The following RBFOX1 variants were observed in gnomAD, a reference collection of about 807,000 sequenced individuals.
RBFOX1 encodes the protein RNA binding protein fox-1 homolog 1.
Under a neutral mutation model 57.7 loss-of-function variants are expected in RBFOX1, and 8 were observed. The observed-to-expected ratio is 0.14, with a 90% CI of 0.08 to 0.25. RBFOX1 has a LOEUF of 0.25. Ranked by LOEUF, RBFOX1 falls within the 10% of genes least tolerant of loss-of-function variation. RBFOX1 has a pLI of 1.00. For missense variants in RBFOX1, 611 were observed against 548.5 expected (o/e 1.11, Z -1.14); for synonymous variants, 326 against 222.4 (o/e 1.47, Z -4.15).
At chr16:6,783,844 A>T (rs1416359183) in intron 3 of RBFOX1, among the ~76,000 whole-genome samples, 1 of 152,074 alleles carries the variant, frequency 6.6e-6, no homozygotes, top group African/African-American at 2.4e-5. Flanking sequence ...TTGATGAATT[A>T]CCTCAGGTTT....
At chr16:7,648,736 G>C (rs1006978367) in intron 11 of RBFOX1, among the ~76,000 whole-genome samples, 1 of 152,200 alleles carries the variant, frequency 6.6e-6, no homozygotes, top group Admixed American at 6.5e-5. Context: ...GGTGTTACCT[G>C]TCTGGGGCCA....
chr16:7,341,541 C>T (rs1603624935), intron 4 of RBFOX1, among the ~76,000 whole-genome samples: 1 of 152,210 alleles, frequency 6.6e-6, no homozygotes, highest in Middle Eastern at 3.4e-3. Context: ...CTTGAGTCTC[C>T]ACCCCACTGA....
intron 9 of RBFOX1, among the ~76,000 whole-genome samples, chr16:7,604,491 A>G (rs1196068195): frequency 6.6e-6 from 1 of 152,242 alleles, no homozygotes; most frequent in African/African-American, 2.4e-5. Flanking sequence ...GAAGGAGAGT[A>G]TCATTTATTT....
rs1376899101 is a variant in RBFOX1 at position 6,870,234 on chromosome 16, G to A, written c.-15-181823G>A. ...GCAGGCAGAGCCAAGAGAGTTAGCA[G>A]CCTGGGGTGGGGCAATGGAGAGAGC... On this transcript the variant is annotated intron_variant, in intron 3 of 15. Coordinates refer to ENST00000550418, the MANE Select transcript of RBFOX1 (RefSeq NM_018723.4). Among the ~76,000 whole-genome samples, 3 of 152,130 alleles carry A rather than the reference G, an allele frequency of 2.0e-5. No homozygotes were observed. In the East Asian group the frequency reaches 5.8e-4, roughly 29 times the overall value.
chr16:5,246,007 G>T (rs1410361421), intron 1 of RBFOX1, among the ~76,000 whole-genome samples: 1 of 152,148 alleles, frequency 6.6e-6, no homozygotes. Flanking sequence ...ACTTTGGGAG[G>T]CCGAGGCCGT....
At chr16:6,147,380 C>CA (rs1243425501) in intron 1 of RBFOX1, among the ~76,000 whole-genome samples, 2 of 152,180 alleles carry the variant, frequency 1.3e-5, no homozygotes, top group Non-Finnish European at 2.9e-5. Flanking sequence ...CATACAGATC[C>CA]AGTCCCAAGC....
At chr16:6,739,111 C>T (rs894141858) in intron 3 of RBFOX1, among the ~76,000 whole-genome samples, 1 of 151,468 alleles carries the variant, frequency 6.6e-6, no homozygotes, top group Non-Finnish European at 1.5e-5. Flanking sequence ...AAACCTAAAG[C>T]AAGCAGCAGA....
chr16:5,662,519 T>G (rs1002262997), intron 3 of RBFOX1, among the ~76,000 whole-genome samples: 2 of 152,326 alleles, frequency 1.3e-5, no homozygotes, highest in African/African-American at 2.4e-5. Context: ...GAAGTTGTTT[T>G]GACTTGGTAG....
At chr16:6,316,880 A>T in intron 1 of RBFOX1, 115 bp from the exon 2 acceptor site, 1 of 704,866 alleles carries the variant, frequency 1.4e-6, no homozygotes, top group East Asian at 2.8e-5. Context: ...TAAATTCACA[A>T]TATAGTCAGA....
rs562535464 is a variant in RBFOX1, at chr16:6,313,983, T to C, written c.-126-3012T>C. Reference sequence around the variant, plus strand: ...ATAAAATAATCCCCCTAAATGACTTTACAGGTTCTTATTAGTGGAAAGGAG... The same window carrying C: ...ATAAAATAATCCCCCTAAATGACTTCACAGGTTCTTATTAGTGGAAAGGAG... On this transcript the variant is annotated intron_variant, in intron 1 of 15. Coordinates refer to ENST00000550418, the MANE Select transcript of RBFOX1 (RefSeq NM_018723.4). Among the ~76,000 whole-genome samples the C allele has an allele frequency of 9.2e-5, 14 of 152,244 alleles. 1 individual carries two copies. In the South Asian group the frequency reaches 2.7e-3, roughly 29 times the overall value.
At chr16:5,339,564 G>A (rs2064989515) in intron 1 of RBFOX1, among the ~76,000 whole-genome samples, 1 of 130,508 alleles carries the variant, frequency 7.7e-6, no homozygotes, top group South Asian at 2.6e-4. Context: ...CTCACTGCAA[G>A]CTTCAACTCT....
chr16:6,941,013 A>G lies in RBFOX1; in HGVS notation c.-15-111044A>G, dbSNP rs79178288. Among the ~76,000 whole-genome samples, 923 of 151,910 alleles carry G rather than the reference A, an allele frequency of 6.1e-3. 16 individuals carry two copies. The highest frequency in any genetic ancestry group is 0.02 in the African/African-American group (837 of 41,442). On this transcript the variant is annotated intron_variant, in intron 3 of 15. Transcript: ENST00000550418. ...TGAGCCACCACACCCGGCCCCCCTT[A>G]TCGTATACTTCTATATGTGTATGGA...
intron 2 of RBFOX1, among the ~76,000 whole-genome samples, chr16:6,531,250 T>A (rs79360651): frequency 2.0e-5 from 3 of 152,338 alleles, no homozygotes; most frequent in African/African-American, 7.2e-5. Flanking sequence ...AAGTTTGCTG[T>A]GTCTGTAGAC....
intron 1 of RBFOX1, among the ~76,000 whole-genome samples, chr16:6,049,053 CTTTTT>C (rs534794320): frequency 3.5e-5 from 4 of 112,862 alleles, no homozygotes; most frequent in East Asian, 2.9e-4. Context: ...CTTCTAACAG[CTTTTT>C]TTTTTTTTTT....
At chr16:5,377,674 A>G (rs1346364656) in intron 1 of RBFOX1, among the ~76,000 whole-genome samples, 2 of 151,366 alleles carry the variant, frequency 1.3e-5, no homozygotes, top group East Asian at 3.9e-4. Context: ...ACGGAAGTTG[A>G]ATGCGGACCT....
chr16:6,905,718 T>G (rs1377249089), intron 3 of RBFOX1, among the ~76,000 whole-genome samples: 1 of 152,150 alleles, frequency 6.6e-6, no homozygotes. Flanking sequence ...TTAGAAAGAA[T>G]TTCTCTCCAA....
intron 5 of RBFOX1, among the ~76,000 whole-genome samples, chr16:7,572,169 G>A (rs910664516): frequency 6.6e-6 from 1 of 152,114 alleles, no homozygotes; most frequent in South Asian, 2.1e-4. Flanking sequence ...TAATGATCAC[G>A]ATAATTATGT....
At chr16:6,467,814 A>C (rs1333963183) in intron 2 of RBFOX1, among the ~76,000 whole-genome samples, 2 of 152,236 alleles carry the variant, frequency 1.3e-5, no homozygotes, top group African/African-American at 2.4e-5. Flanking sequence ...GCAGTAAATT[A>C]TAACACTACT....
chr16:6,841,444 C>G (rs550940545), intron 3 of RBFOX1, among the ~76,000 whole-genome samples: 2 of 152,194 alleles, frequency 1.3e-5, no homozygotes, highest in African/African-American at 4.8e-5. Context: ...CTTTTGTTTG[C>G]TTGTCAATAA....
Sources: allele counts gnomAD v4.1 joint callset (sites outside exome capture counted in the v4.1 genomes callset), GRCh38; gene constraint gnomAD v4.1.1; transcripts MANE v1.5; gene names NCBI Gene and HGNC (gene_info 2026-07-23, HGNC 2026-07-21).